The following CDC42BPA variants were observed in gnomAD, a reference collection of about 807,000 sequenced individuals.
CDC42BPA encodes the protein CDC42 binding protein kinase alpha.
A neutral mutation model predicts 223.5 loss-of-function variants in CDC42BPA; 80 were observed. That is an observed-to-expected ratio of 0.36 (90% CI 0.30 to 0.43). The LOEUF is 0.43. CDC42BPA is among the 20% of genes least tolerant of loss of function. CDC42BPA has a pLI of 1.00. For missense variants in CDC42BPA, 1,743 were observed against 2,099.9 expected (o/e 0.83, Z 3.32); for synonymous variants, 694 against 718.6 (o/e 0.97, Z 0.55).
chr1:227,117,066 C>T (rs1471178868), intron 12 of CDC42BPA, among the ~76,000 whole-genome samples: 1 of 152,152 alleles, frequency 6.6e-6, no homozygotes, highest in Non-Finnish European at 1.5e-5. Flanking sequence ...TTTCAAGGCT[C>T]CTCATTTACA....
intron 1 of CDC42BPA, chr1:227,265,259 A>T: frequency 1.9e-6 from 1 of 538,548 alleles, no homozygotes; most frequent in Non-Finnish European, 3.4e-6. Context: ...GCCGCTTAGT[A>T]GCTGTGAGAC....
chr1:227,317,889 A>G lies in CDC42BPA; in HGVS notation c.-707T>C. ...TCTTTAAGGCTTTGCAGTCAGTCCT[A>G]TTTTCAACGGATTCCGGTGAAAACT... On this transcript the variant is annotated 5_prime_UTR_variant, in exon 1 of 37. Transcript: ENST00000366766. 2.5e-6 allele frequency: 1 copy of G among 398,528 alleles called. No homozygotes were observed. The highest frequency in any genetic ancestry group is 4.4e-6 in the Non-Finnish European group (1 of 226,048). The allele number at this position is 398,528 out of a possible 1,614,324, so 24.7% of individuals were successfully genotyped here.
Position 227,261,581 on chromosome 1 carries a change from GAAGA to G in CDC42BPA, c.179-7430_179-7427del, listed in dbSNP as rs1684085263. Among the ~76,000 whole-genome samples, 2 of 144,388 alleles carry G rather than the reference GAAGA, an allele frequency of 1.4e-5. 1 individual carries two copies. Among genetic ancestry groups the G allele is most frequent in the African/African-American group, 5.9e-5 (2 of 34,178 alleles). The allele number at this position is 144,388 out of a possible 152,430, so 94.7% of individuals were successfully genotyped here. ...AATATACAATCAAACTAATGAAGGA[GAAGA>G]AAGGAAGAGAAATCCCCAAGAATTA... is the stretch of plus-strand genomic sequence containing the variant. On this transcript the variant is annotated intron_variant, in intron 1 of 36. Transcript: ENST00000366766.
intron 14 of CDC42BPA, among the ~76,000 whole-genome samples, chr1:227,109,676 A>AT (rs1686584109): frequency 6.6e-6 from 1 of 151,734 alleles, no homozygotes; most frequent in Non-Finnish European, 1.5e-5. Flanking sequence ...ATCTTTCTTT[A>AT]TATCCATTTT....
chr1:227,001,800 G>A (rs564682205), intron 35 of CDC42BPA, among the ~76,000 whole-genome samples: 92 of 152,172 alleles, frequency 6.0e-4, no homozygotes, highest in African/African-American at 2.1e-3. Context: ...CCAGCTACTC[G>A]GGAGGCTGAG....
At chr1:227,218,789 A>T (rs1054953153) in intron 2 of CDC42BPA, among the ~76,000 whole-genome samples, 1 of 152,210 alleles carries the variant, frequency 6.6e-6, no homozygotes, top group African/African-American at 2.4e-5. Flanking sequence ...CATTTTTAAA[A>T]ACTGTTCTGT....
Position 227,122,491 on chromosome 1 carries a change from A to G in CDC42BPA, c.1514-2554T>C, listed in dbSNP as rs114568470. Among the ~76,000 whole-genome samples, 749 of 152,326 alleles carry G rather than the reference A, an allele frequency of 4.9e-3. 5 individuals are homozygous for G. Among genetic ancestry groups the G allele is most frequent in the African/African-American group, 0.017 (700 of 41,580 alleles). ...AGGATATTTTTACTGATTTGTTTCA[A>G]TATAGTGTTAATTTCAGTTCTCACC... On this transcript the variant is annotated intron_variant, in intron 11 of 36. Coordinates refer to ENST00000366766, the MANE Select transcript of CDC42BPA (RefSeq NM_001394014.1).
intron 24 of CDC42BPA, among the ~76,000 whole-genome samples, chr1:227,036,719 C>T (rs998090551): frequency 7.2e-5 from 11 of 152,220 alleles, no homozygotes; most frequent in South Asian, 4.1e-4. Context: ...GTTGAGCCAC[C>T]GCGCCCGGCC....
intron 1 of CDC42BPA, among the ~76,000 whole-genome samples, chr1:227,286,875 G>A (rs1688893855): frequency 6.6e-6 from 1 of 152,158 alleles, no homozygotes; most frequent in African/African-American, 2.4e-5. Context: ...AAAAGAAGCT[G>A]GCATGTCACG....
chr1:227,227,002 T>A (rs1209575394), intron 2 of CDC42BPA, among the ~76,000 whole-genome samples: 1 of 151,540 alleles, frequency 6.6e-6, no homozygotes, highest in Non-Finnish European at 1.5e-5. Context: ...ACTCAAGGAG[T>A]CAAGAGAGCT....
intron 15 of CDC42BPA, among the ~76,000 whole-genome samples, chr1:227,097,828 T>A (rs950379477): frequency 6.6e-6 from 1 of 152,166 alleles, no homozygotes; most frequent in Non-Finnish European, 1.5e-5. Context: ...TAGGTCACTG[T>A]GCATGTGGAC....
chr1:227,095,746 T>C (rs1309994096), intron 15 of CDC42BPA, among the ~76,000 whole-genome samples: 3 of 151,968 alleles, frequency 2.0e-5, no homozygotes, highest in African/African-American at 4.8e-5. Flanking sequence ...CACATGCCAC[T>C]GTGTCTGGCT....
chr1:227,318,413 C>T lies in CDC42BPA; in HGVS notation c.-1231G>A, dbSNP rs934189604. ...CCCCCGCCTTCCCTCTCCTCTCGCG[C>T]TCGCGCCCTGGGCTCAGCGAGGCTC... On this transcript the variant is annotated 5_prime_UTR_variant, in exon 1 of 37. Transcript: ENST00000366766. 3 of 152,440 alleles carry T rather than the reference C, an allele frequency of 2.0e-5. No individual in the cohort carries two copies. The highest frequency in any genetic ancestry group is 2.9e-5 in the Non-Finnish European group (2 of 68,396). 9.4% of individuals were successfully genotyped at this position (152,440 alleles called of 1,614,324 possible).
At chr1:227,183,033 G>C (rs1177329823) in intron 5 of CDC42BPA, 1 of 152,142 alleles carries the variant, frequency 6.6e-6, no homozygotes, top group Non-Finnish European at 1.5e-5. Flanking sequence ...CTCGGACTGA[G>C]CCATTACTGG....
intron 1 of CDC42BPA, among the ~76,000 whole-genome samples, chr1:227,272,374 C>A (rs1686100781): frequency 1.3e-5 from 2 of 151,324 alleles, no homozygotes; most frequent in Non-Finnish European, 1.5e-5. Context: ...AAAGAAAAAC[C>A]CTAAAGGAAA....
intron 3 of CDC42BPA, among the ~76,000 whole-genome samples, chr1:227,206,717 T>G (rs1374848924): frequency 2.0e-5 from 3 of 152,180 alleles, no homozygotes; most frequent in Non-Finnish European, 4.4e-5. Context: ...CTTAAAAGTT[T>G]CAATGCAGAA....
chr1:227,040,122 T>C lies in CDC42BPA; in HGVS notation c.3199+9A>G. 3 of 1,498,898 alleles carry C rather than the reference T, an allele frequency of 2.0e-6. No individual in the cohort carries two copies. Among genetic ancestry groups the C allele is most frequent in the South Asian group, 2.3e-5 (2 of 88,594 alleles). The allele number at this position is 1,498,898 out of a possible 1,614,324, so 92.8% of individuals were successfully genotyped here. The stretch of plus-strand genomic sequence containing the variant: ...GTGAAGTCACATTTTCTTTCCTTTG[T>C]GTTCTTACCTTCACATGAACAGCCC... On this transcript the variant is annotated intron_variant, in intron 24 of 36. Coordinates refer to ENST00000366766, the MANE Select transcript of CDC42BPA (RefSeq NM_001394014.1).
rs184659222 is a variant in CDC42BPA at position 227,167,238 on chromosome 1, C to T, written c.600-6602G>A. ...CCTGCTCCAAGAAAATGCAAGTCCT[C>T]GTCCTTACATTACCACTGAAATGTA... On this transcript the variant is annotated intron_variant, in intron 5 of 36. Transcript: ENST00000366766. Among the ~76,000 whole-genome samples, 60 of 152,252 alleles carry T rather than the reference C, an allele frequency of 3.9e-4. No homozygotes were observed. In the East Asian group the frequency reaches 0.011, roughly 27 times the overall value.
intron 6 of CDC42BPA, among the ~76,000 whole-genome samples, chr1:227,149,755 G>A (rs1222315063): frequency 1.3e-5 from 2 of 152,056 alleles, no homozygotes; most frequent in East Asian, 1.9e-4. Flanking sequence ...CTTAAAAAAC[G>A]GAAAATTTGG....
Sources: gnomAD v4.1 joint callset for allele counts (sites outside exome capture counted in the v4.1 genomes callset) on GRCh38, gnomAD v4.1.1 for gene constraint, MANE v1.5 for transcripts, NCBI Gene and HGNC (gene_info 2026-07-23, HGNC 2026-07-21) for gene names.